PLEKHA3: variants seen among roughly 807,000 people sequenced by gnomAD.
PLEKHA3 encodes pleckstrin homology domain-containing family A member 3.
Under a neutral mutation model 39.2 loss-of-function variants are expected in PLEKHA3, and 19 were observed. The ratio of observed to expected loss-of-function variants is 0.48; its 90% CI spans 0.34 to 0.71. The LOEUF (loss-of-function observed/expected upper bound fraction) is 0.71. PLEKHA3 is among the 30% of genes least tolerant of loss of function. The probability of loss-of-function intolerance (pLI) is 0.01; values close to 1 mark genes in which losing one functional copy is unlikely to be tolerated. For synonymous variants in PLEKHA3, 97 were observed against 118.6 expected (o/e 0.82, Z 1.18); for missense variants, 253 against 359.5 (o/e 0.70, Z 2.40).
intron 4 of PLEKHA3, 98 bp downstream of exon 4, chr2:178,494,087 G>A (rs1685401731): frequency 1.4e-6 from 2 of 1,384,948 alleles, no homozygotes; most frequent in Admixed American, 2.2e-5. Context: ...TTCACATTGA[G>A]TTATTTTCAG....
intron 7 of PLEKHA3, among the ~76,000 whole-genome samples, chr2:178,503,298 C>T (rs1185404784): frequency 2.0e-5 from 3 of 151,896 alleles, no homozygotes; most frequent in Non-Finnish European, 4.4e-5. Flanking sequence ...AAGAGGAATA[C>T]CTGAATTTAG....
chr2:178,496,242 T>A (rs752010696), intron 5 of PLEKHA3, among the ~76,000 whole-genome samples: 4 of 152,236 alleles, frequency 2.6e-5, no homozygotes, highest in African/African-American at 7.2e-5. Context: ...ACTTCCTTAT[T>A]GCTCAGAACA....
intron 2 of PLEKHA3, among the ~76,000 whole-genome samples, chr2:178,488,119 A>C (rs1010906885): frequency 6.8e-6 from 1 of 147,062 alleles, no homozygotes; most frequent in Non-Finnish European, 1.5e-5. Flanking sequence ...CACAAAAAGG[A>C]AAAAAAAAAA....
chr2:178,506,618 C>T lies in PLEKHA3; in HGVS notation c.*2731C>T, dbSNP rs1245823322. 6.6e-6 allele frequency: 1 copy of T among 152,078 alleles called. No individual in the cohort carries two copies. The highest frequency in any genetic ancestry group is 1.5e-5 in the Non-Finnish European group (1 of 68,010). The allele number at this position is 152,078 out of a possible 1,614,324, so 9.4% of individuals were successfully genotyped here. On this transcript the variant is annotated 3_prime_UTR_variant, in exon 8 of 8. Coordinates refer to ENST00000234453, the MANE Select transcript of PLEKHA3 (RefSeq NM_019091.4). ...AATCACAAGATCTCAGGAAATGCGCCCTTGTGATATGTTAATACCAGATTG... is the reference window on the plus strand; with the variant it reads ...AATCACAAGATCTCAGGAAATGCGCTCTTGTGATATGTTAATACCAGATTG...
At chr2:178,502,303 C>A (rs1191789788) in intron 7 of PLEKHA3, 2 of 361,488 alleles carry the variant, frequency 5.5e-6, no homozygotes, top group Admixed American at 4.1e-5. Flanking sequence ...TGGCACTATT[C>A]TATGCTCATT....
intron 7 of PLEKHA3, among the ~76,000 whole-genome samples, chr2:178,503,002 T>G (rs77482432): frequency 0.019 from 2,922 of 152,146 alleles, 42 homozygotes; most frequent in Non-Finnish European, 0.029. Context: ...CAATTGGCAG[T>G]CTTAGTTGAA....
chr2:178,494,473 A>G (rs1011465864), intron 4 of PLEKHA3, among the ~76,000 whole-genome samples: 2 of 151,652 alleles, frequency 1.3e-5, no homozygotes, highest in Admixed American at 6.6e-5. Flanking sequence ...TCATGGTAAA[A>G]TAGGACCAGT....
chr2:178,498,282 T>C (rs1299377278), intron 5 of PLEKHA3, among the ~76,000 whole-genome samples: 1 of 152,232 alleles, frequency 6.6e-6, no homozygotes, highest in Non-Finnish European at 1.5e-5. Flanking sequence ...CATCTTAATG[T>C]CAATCTTATC....
Position 178,495,593 on chromosome 2 carries a change from C to G in PLEKHA3, c.548C>G (p.Pro183Arg). 6.2e-7 allele frequency: 1 copy of G among 1,614,126 alleles called. No homozygotes were observed. Among genetic ancestry groups the G allele is most frequent in the Non-Finnish European group, 8.5e-7 (1 of 1,179,990 alleles). ...CVKIANAKFK[P>R]EMFQLHHPDP... ...AAGATAGCCAATGCCAAGTTTAAAC[C>G]TGAGATGTTTCAACTGCACCATCCG... Residue 183 changes from proline to arginine, a missense_variant, in exon 5 of 8, where the codon CCT (proline) becomes CGT (arginine). Coordinates refer to ENST00000234453, the MANE Select transcript of PLEKHA3 (RefSeq NM_019091.4).
chr2:178,483,822 T>C (rs1354557162), intron 1 of PLEKHA3, among the ~76,000 whole-genome samples: 1 of 152,242 alleles, frequency 6.6e-6, no homozygotes, highest in East Asian at 1.9e-4. Flanking sequence ...CCCACATCTG[T>C]AATCCTAGCA....
At chr2:178,483,707 A>G (rs560025788) in intron 1 of PLEKHA3, among the ~76,000 whole-genome samples, 1 of 152,334 alleles carries the variant, frequency 6.6e-6, no homozygotes, top group Admixed American at 6.5e-5. Flanking sequence ...TTGGAAAGAT[A>G]ATGTTTTTAT....
intron 1 of PLEKHA3, among the ~76,000 whole-genome samples, chr2:178,484,252 CA>C (rs1193758807): frequency 6.6e-6 from 1 of 152,076 alleles, no homozygotes; most frequent in Non-Finnish European, 1.5e-5. Context: ...GTCCATGTAC[CA>C]AAATAACTTA....
intron 5 of PLEKHA3, among the ~76,000 whole-genome samples, chr2:178,497,926 C>T (rs867057107): frequency 6.6e-6 from 1 of 151,308 alleles, no homozygotes; most frequent in Non-Finnish European, 1.5e-5. Flanking sequence ...AAAGTAAGGT[C>T]AGACAATCTT....
At chr2:178,491,649 T>C (rs1318956260) in intron 3 of PLEKHA3, among the ~76,000 whole-genome samples, 2 of 152,242 alleles carry the variant, frequency 1.3e-5, no homozygotes, top group Non-Finnish European at 2.9e-5. Context: ...TATATACAGA[T>C]ATAATGTGAA....
At position 178,509,568 on chromosome 2, in the gene PLEKHA3, C is replaced by T. The variant is rs1225985409; in HGVS notation, c.*5681C>T. 1 of 151,674 alleles carries T rather than the reference C, an allele frequency of 6.6e-6. No individual in the cohort carries two copies. The highest frequency in any genetic ancestry group is 1.5e-5 in the Non-Finnish European group (1 of 68,024). The allele number at this position is 151,674 out of a possible 1,614,324, so 9.4% of individuals were successfully genotyped here. Reference sequence around the variant, plus strand: ...TCTCAGCTCACTGCAGTCTCGACCTCCCAGGCTCAAATGATCCTTTTACCT... The same window carrying T: ...TCTCAGCTCACTGCAGTCTCGACCTTCCAGGCTCAAATGATCCTTTTACCT... On this transcript the variant is annotated 3_prime_UTR_variant, in exon 8 of 8. Coordinates refer to ENST00000234453, the MANE Select transcript of PLEKHA3 (RefSeq NM_019091.4).
Position 178,480,672 on chromosome 2 carries a change from C to T in PLEKHA3, c.-198C>T, listed in dbSNP as rs569420228. On this transcript the variant is annotated 5_prime_UTR_variant, in exon 1 of 8. Coordinates refer to ENST00000234453, the MANE Select transcript of PLEKHA3 (RefSeq NM_019091.4). ...GAATGTCTGGGCCCGCGCCTCGCGGCCCCCAAGCTCCACGCTGCGCCCGCT... is the reference window on the plus strand; with the variant it reads ...GAATGTCTGGGCCCGCGCCTCGCGGTCCCCAAGCTCCACGCTGCGCCCGCT... The T allele has an allele frequency of 1.4e-3, 502 of 366,242 alleles. No homozygotes were observed. The highest frequency in any genetic ancestry group is 9.6e-3 in the African/African-American group (449 of 46,936). The allele number at this position is 366,242 out of a possible 1,614,324, so 22.7% of individuals were successfully genotyped here.
chr2:178,500,034 ACATATT>A (rs1367926042), intron 6 of PLEKHA3, among the ~76,000 whole-genome samples: 1 of 152,176 alleles, frequency 6.6e-6, no homozygotes, highest in Non-Finnish European at 1.5e-5. Context: ...ATTTTAAAGT[ACATATT>A]CATATCAATA....
In PLEKHA3 at chr2:178,515,110, G is replaced by A. The variant is rs1685743019; in HGVS notation, c.*11223G>A. The stretch of plus-strand genomic sequence containing the variant: ...TATGTTGGCATTTGCCACTTTTGGG[G>A]ATTTGACTCCTGCAGGTATTTTTTT... On this transcript the variant is annotated 3_prime_UTR_variant, in exon 8 of 8. Transcript: ENST00000234453. 1 of 149,236 alleles carries A rather than the reference G, an allele frequency of 6.7e-6. No individual in the cohort carries two copies. The highest frequency in any genetic ancestry group is 2.1e-4 in the South Asian group (1 of 4,670). The allele number at this position is 149,236 out of a possible 1,614,324, so 9.2% of individuals were successfully genotyped here. A position where few individuals can be genotyped will look rare whatever the true frequency, so the allele number is the denominator to read the frequency against.
At chr2:178,484,421 G>C (rs1685216081) in intron 1 of PLEKHA3, among the ~76,000 whole-genome samples, 3 of 152,140 alleles carry the variant, frequency 2.0e-5, no homozygotes, top group Non-Finnish European at 4.4e-5. Flanking sequence ...GGGTTACAAA[G>C]TAAAATTTAA....
Sources: gnomAD v4.1 joint callset for allele counts (sites outside exome capture counted in the v4.1 genomes callset) on GRCh38, gnomAD v4.1.1 for gene constraint, MANE v1.5 for transcripts, NCBI Gene and HGNC (gene_info 2026-07-23, HGNC 2026-07-21) for gene names.